The following LPP variants were observed in gnomAD, a reference collection of about 807,000 sequenced individuals.
LPP encodes the protein LIM domain containing preferred translocation partner in lipoma.
In LPP, 38 loss-of-function variants were observed where a neutral mutation model predicts 60.4. The ratio of observed to expected loss-of-function variants is 0.63; its 90% CI spans 0.49 to 0.83. The LOEUF (loss-of-function observed/expected upper bound fraction) is 0.83. LPP is among the 40% of genes least tolerant of loss of function. The probability of loss-of-function intolerance (pLI) is 0.00; values close to 1 mark genes in which losing one functional copy is unlikely to be tolerated. For missense variants in LPP, 902 were observed against 783.6 expected (o/e 1.15, Z -1.80); for synonymous variants, 328 against 290.8 (o/e 1.13, Z -1.30).
At chr3:188,305,438 G>C (rs917832670) in intron 2 of LPP, among the ~76,000 whole-genome samples, 3 of 152,176 alleles carry the variant, frequency 2.0e-5, no homozygotes, top group African/African-American at 7.2e-5. Context: ...TCTGAGATAG[G>C]TACAAATAAC....
intron 7 of LPP, among the ~76,000 whole-genome samples, chr3:188,678,769 G>A (rs1395807821): frequency 2.0e-5 from 3 of 152,160 alleles, no homozygotes; most frequent in Non-Finnish European, 4.4e-5. Flanking sequence ...TGCCCTTATA[G>A]GGAAAAATAA....
chr3:188,247,838 A>G (rs1727560382), intron 2 of LPP, among the ~76,000 whole-genome samples: 1 of 151,976 alleles, frequency 6.6e-6, no homozygotes, highest in African/African-American at 2.4e-5. Context: ...ATATCAATCT[A>G]AGGACACTGT....
At chr3:188,264,800 C>G (rs917396726) in intron 2 of LPP, among the ~76,000 whole-genome samples, 45 of 152,120 alleles carry the variant, frequency 3.0e-4, no homozygotes, top group Non-Finnish European at 5.0e-4. Flanking sequence ...GTGTGTGTCT[C>G]TCTCTCTTTC....
At position 188,256,422 on chromosome 3, in the gene LPP, A is replaced by G. The variant is rs913119115; in HGVS notation, c.-67+30895A>G. On this transcript the variant is annotated intron_variant, in intron 2 of 11. Coordinates refer to ENST00000617246, the MANE Select transcript of LPP (RefSeq NM_001375462.1). ...GTATTGTTATAGAACTAGATTATACAATAATTATAATTGTTACTGGGTTGT... is the reference window on the plus strand; with the variant it reads ...GTATTGTTATAGAACTAGATTATACGATAATTATAATTGTTACTGGGTTGT... 1.3e-4 allele frequency among the ~76,000 whole-genome samples: 20 copies of G among 152,316 alleles called. 1 individual carries two copies. The South Asian group carries it at 3.5e-3, about 27-fold the overall frequency.
At chr3:188,315,877 C>T (rs1754885419) in intron 2 of LPP, among the ~76,000 whole-genome samples, 1 of 152,184 alleles carries the variant, frequency 6.6e-6, no homozygotes, top group African/African-American at 2.4e-5. Context: ...ACATATTAGA[C>T]ATGCTTCAAA....
Position 188,878,492 on chromosome 3 carries a change from T to A in LPP, c.*4013T>A, listed in dbSNP as rs1425225779. ...TAGTACATGTGTGTTATGAATGAAA[T>A]ATGACAGCATGTTCCATACCCCTGC... On this transcript the variant is annotated 3_prime_UTR_variant, in exon 12 of 12. Transcript: ENST00000617246. 6 of 215,694 alleles carry A rather than the reference T, an allele frequency of 2.8e-5. No homozygotes were observed. Among genetic ancestry groups the A allele is most frequent in the African/African-American group, 1.4e-4 (6 of 44,392 alleles). The allele number at this position is 215,694 out of a possible 1,614,324, so 13.4% of individuals were successfully genotyped here. A position where few individuals can be genotyped will look rare whatever the true frequency, so the allele number is the denominator to read the frequency against.
At chr3:188,629,341 G>C (rs2151695255) in intron 7 of LPP, among the ~76,000 whole-genome samples, 1 of 152,194 alleles carries the variant, frequency 6.6e-6, no homozygotes, top group East Asian at 1.9e-4. Context: ...CTGCCTAAAA[G>C]CTCCTTGATC....
intron 6 of LPP, among the ~76,000 whole-genome samples, chr3:188,536,563 A>T (rs1823695531): frequency 6.6e-6 from 1 of 152,256 alleles, no homozygotes; most frequent in Non-Finnish European, 1.5e-5. Flanking sequence ...ACATCTTAAA[A>T]ATATATCTAA....
intron 3 of LPP, among the ~76,000 whole-genome samples, chr3:188,398,114 G>A (rs1333973347): frequency 6.8e-6 from 1 of 146,642 alleles, no homozygotes; most frequent in Non-Finnish European, 1.5e-5. Flanking sequence ...GGCATTTAAT[G>A]TGCTGATTCC....
intron 5 of LPP, among the ~76,000 whole-genome samples, chr3:188,494,591 G>T (rs1809391145): frequency 6.6e-6 from 1 of 152,034 alleles, no homozygotes; most frequent in African/African-American, 2.4e-5. Context: ...TCCTGCTCAG[G>T]TCCTGGTGTC....
At chr3:188,582,154 C>CTTTTTTTTTTTTTTT (rs10565240) in intron 6 of LPP, among the ~76,000 whole-genome samples, 6 of 102,230 alleles carry the variant, frequency 5.9e-5, no homozygotes, top group African/African-American at 8.1e-5. Context: ...TTTTCTTTTT[C>CTTTTTTTTTTTTTTT]TTTTTTTTTT....
rs1213832222 is a variant in LPP at position 188,805,098 on chromosome 3, CA to C, written c.1410+44817del. Among the ~76,000 whole-genome samples, 3 of 152,008 alleles carry C rather than the reference CA, an allele frequency of 2.0e-5. No individual in the cohort carries two copies. The East Asian group carries it at 5.8e-4, about 29-fold the overall frequency. On this transcript the variant is annotated intron_variant, in intron 9 of 11. Coordinates refer to ENST00000617246, the MANE Select transcript of LPP (RefSeq NM_001375462.1). Reference sequence around the variant, plus strand: ...TTGTGTGTTATTGGATTTAATTTGCCAGTAGTTTGTTGAGGATTTTTGCATT... The same window carrying C: ...TTGTGTGTTATTGGATTTAATTTGCCGTAGTTTGTTGAGGATTTTTGCATT...
chr3:188,374,918 C>A (rs924682309), intron 3 of LPP, among the ~76,000 whole-genome samples: 5 of 151,762 alleles, frequency 3.3e-5, no homozygotes, highest in African/African-American at 9.7e-5. Context: ...TAGCATGAAG[C>A]GTTGTTGAAT....
At chr3:188,274,523 T>A (rs1248091212) in intron 2 of LPP, among the ~76,000 whole-genome samples, 2 of 152,206 alleles carry the variant, frequency 1.3e-5, no homozygotes, top group Non-Finnish European at 2.9e-5. Flanking sequence ...TCTTGGTGCC[T>A]TTATCAACTT....
chr3:188,765,517 CTG>C (rs1733749605), intron 9 of LPP, among the ~76,000 whole-genome samples: 1 of 152,092 alleles, frequency 6.6e-6, no homozygotes, highest in African/African-American at 2.4e-5. Context: ...TACCGAGCAT[CTG>C]TTGTTGCATG....
chr3:188,240,545 A>G (rs557785899), intron 2 of LPP, among the ~76,000 whole-genome samples: 3 of 152,288 alleles, frequency 2.0e-5, no homozygotes, highest in African/African-American at 4.8e-5. Context: ...TGATGTGCCT[A>G]GAGTAGTTGA....
chr3:188,185,310 G>T (rs1034500702), intron 1 of LPP, among the ~76,000 whole-genome samples: 4 of 152,076 alleles, frequency 2.6e-5, no homozygotes, highest in Non-Finnish European at 5.9e-5. Context: ...GGCACAGGTT[G>T]CAGGGAAGGA....
At chr3:188,542,850 A>G (rs1247941910) in intron 6 of LPP, among the ~76,000 whole-genome samples, 1 of 152,288 alleles carries the variant, frequency 6.6e-6, no homozygotes, top group East Asian at 1.9e-4. Context: ...CCTCAGGTAC[A>G]TTTGTACATA....
At chr3:188,358,234 A>G (rs1333017211) in intron 3 of LPP, among the ~76,000 whole-genome samples, 7 of 152,236 alleles carry the variant, frequency 4.6e-5, no homozygotes, top group Non-Finnish European at 7.3e-5. Flanking sequence ...TAATAATAAT[A>G]TAATAGCTAA....
Sources: allele counts gnomAD v4.1 joint callset (sites outside exome capture counted in the v4.1 genomes callset), GRCh38; gene constraint gnomAD v4.1.1; transcripts MANE v1.5; gene names NCBI Gene and HGNC (gene_info 2026-07-23, HGNC 2026-07-21).